Variants in MYO18A observed in about 807,000 individuals in gnomAD.
The protein encoded by MYO18A is myosin XVIIIA.
A neutral mutation model predicts 235.8 loss-of-function variants in MYO18A; 78 were observed. The ratio of observed to expected loss-of-function variants is 0.33; its 90% CI spans 0.28 to 0.40. The LOEUF (loss-of-function observed/expected upper bound fraction) is 0.40. Ranked by LOEUF, MYO18A falls within the 10% of genes least tolerant of loss-of-function variation. The probability of loss-of-function intolerance (pLI) is 1.00; values close to 1 mark genes in which losing one functional copy is unlikely to be tolerated. For missense variants in MYO18A, 2,215 were observed against 2,699.3 expected, an observed-to-expected ratio of 0.82 and a Z score of 3.98; for synonymous variants, 977 against 1,077.8, an observed-to-expected ratio of 0.91 and a Z score of 1.83.
At chr17:29,154,123 C>T (rs551231220) in intron 2 of MYO18A, among the ~76,000 whole-genome samples, 2,986 of 108,278 alleles carry the variant, frequency 0.028, 95 homozygotes, top group African/African-American at 0.087. Context: ...TGTGTGTGTG[C>T]GCGCGCGTGC....
At chr17:29,143,153 C>T (rs2067777167) in intron 2 of MYO18A, among the ~76,000 whole-genome samples, 3 of 152,150 alleles carry the variant, frequency 2.0e-5, no homozygotes. Flanking sequence ...AATAATAGCA[C>T]CTACCACATG....
chr17:29,124,796 T>G, intron 2 of MYO18A: 1 of 947,764 alleles, frequency 1.1e-6, no homozygotes, highest in African/African-American at 1.7e-5. Flanking sequence ...CGGCACTCTC[T>G]AGTTGTCCAA....
rs753322490 is a variant in MYO18A, at chr17:29,121,802, A to G, written c.1194+49T>C. 4.9e-5 allele frequency: 79 copies of G among 1,611,156 alleles called. 2 individuals carry two copies. In the Middle Eastern group the frequency reaches 6.6e-4, roughly 13 times the overall value. ...GCCAGAGGATGGGCCTGCCCTGCCC[A>G]GTGCACTCCTGAGCCTCCTCCCCCA... On this transcript the variant is annotated intron_variant, in intron 4 of 41. Transcript: ENST00000527372. This position sits in a 1 kb window ranked among gnomAD's most constrained non-coding sequence, Gnocchi z 4.2.
intron 2 of MYO18A, among the ~76,000 whole-genome samples, chr17:29,130,996 G>A (rs558462859): frequency 1.7e-4 from 26 of 152,154 alleles, no homozygotes; most frequent in Admixed American, 3.9e-4. Flanking sequence ...GCTCTCATTC[G>A]ACGCTCCCTG....
At chr17:29,135,005 C>G (rs914702972) in intron 2 of MYO18A, among the ~76,000 whole-genome samples, 1 of 152,116 alleles carries the variant, frequency 6.6e-6, no homozygotes, top group Non-Finnish European at 1.5e-5. Flanking sequence ...AGAGCTGGGC[C>G]GCTTGAAAAA....
chr17:29,152,349 C>T (rs566521821), intron 2 of MYO18A, among the ~76,000 whole-genome samples: 1 of 152,308 alleles, frequency 6.6e-6, no homozygotes, highest in South Asian at 2.1e-4. Context: ...GGTAGAAAGA[C>T]ACCTGGTACT....
chr17:29,161,804 C>T (rs946926326), intron 2 of MYO18A, among the ~76,000 whole-genome samples: 2 of 152,328 alleles, frequency 1.3e-5, no homozygotes, highest in South Asian at 2.1e-4. Flanking sequence ...CTTTCCCATC[C>T]GGACTTATGG....
chr17:29,086,340 A>C, intron 39 of MYO18A, 98 bp downstream of exon 39: 1 of 1,370,436 alleles, frequency 7.3e-7, no homozygotes, highest in Admixed American at 2.1e-5. Flanking sequence ...GCTCATGGGG[A>C]GGCAGAGGTT....
intron 2 of MYO18A, among the ~76,000 whole-genome samples, chr17:29,146,969 G>C (rs569731076): frequency 6.6e-5 from 10 of 152,334 alleles, no homozygotes; most frequent in African/African-American, 2.4e-4. Context: ...GCCATGGCCA[G>C]GCACATGCTA....
intron 13 of MYO18A, 41 bp from the exon 14 acceptor site, chr17:29,115,140 C>T (rs1330354211): frequency 6.4e-7 from 1 of 1,571,178 alleles, no homozygotes; most frequent in African/African-American, 1.4e-5. Context: ...GCTGGTTGGC[C>T]CCGGGCACCA....
chr17:29,148,735 G>A (rs1325415634), intron 2 of MYO18A, among the ~76,000 whole-genome samples: 2 of 152,144 alleles, frequency 1.3e-5, no homozygotes, highest in Non-Finnish European at 2.9e-5. Context: ...ATTCTGAAGG[G>A]TTATAGGGCA....
At chr17:29,116,488 A>C in intron 10 of MYO18A, 33 bp from the exon 11 acceptor site, 1 of 1,613,898 alleles carries the variant, frequency 6.2e-7, no homozygotes, top group Admixed American at 1.7e-5. Flanking sequence ...GCAGCATGCA[A>C]AGAAAAACAG....
chr17:29,120,558 G>T lies in MYO18A; in HGVS notation c.1728+58C>A. 1 of 1,568,228 alleles carries T rather than the reference G, an allele frequency of 6.4e-7. No homozygotes were observed. The highest frequency in any genetic ancestry group is 8.7e-7 in the Non-Finnish European group (1 of 1,155,858). On this transcript the variant is annotated intron_variant, in intron 7 of 41. Transcript: ENST00000527372. This position sits in a 1 kb window ranked among gnomAD's most constrained non-coding sequence, Gnocchi z 4.2. ...GGCATGGGAGAGAGCCTGATGTCTA[G>T]GTCATGAAATCATGTGGCCTGTGTC...
intron 20 of MYO18A, among the ~76,000 whole-genome samples, chr17:29,105,260 C>T (rs1389738654): frequency 6.6e-6 from 1 of 150,434 alleles, no homozygotes; most frequent in Non-Finnish European, 1.5e-5. Context: ...AGTGCCAGGG[C>T]ATCAGGGAGA....
At position 29,120,894 on chromosome 17, in the gene MYO18A, A is replaced by T. The variant is rs770492522; in HGVS notation, c.1585+104T>A. 13 of 1,555,766 alleles carry T rather than the reference A, an allele frequency of 8.4e-6. No individual in the cohort carries two copies. The highest frequency in any genetic ancestry group is 1.1e-5 in the Non-Finnish European group (13 of 1,143,794). On this transcript the variant is annotated intron_variant, in intron 6 of 41. Transcript: ENST00000527372. The surrounding 1 kb of genome is among the most constrained non-coding windows in gnomAD (Gnocchi z 4.2). ...CCGTGGACAGAGGGGTTTCGGGGGGATGGAAAGGCCAGGGAGAAAAAGAGC... is the reference window on the plus strand; with the variant it reads ...CCGTGGACAGAGGGGTTTCGGGGGGTTGGAAAGGCCAGGGAGAAAAAGAGC...
At chr17:29,099,467 A>G (rs1485103203) in intron 22 of MYO18A, among the ~76,000 whole-genome samples, 167 bp downstream of exon 22, 1 of 152,004 alleles carries the variant, frequency 6.6e-6, no homozygotes, top group African/African-American at 2.4e-5. Context: ...GTCGCTGGGC[A>G]CACCAGCACA....
At chr17:29,153,165 C>G (rs1460323271) in intron 2 of MYO18A, among the ~76,000 whole-genome samples, 1 of 152,138 alleles carries the variant, frequency 6.6e-6, no homozygotes, top group Non-Finnish European at 1.5e-5. Context: ...CTCTGACACC[C>G]AGGATGGACT....
In MYO18A at chr17:29,115,647, C is replaced by T; in HGVS notation, c.2227+17G>A. 1.3e-6 allele frequency: 2 copies of T among 1,577,348 alleles called. No individual in the cohort carries two copies. Among genetic ancestry groups the T allele is most frequent in the Non-Finnish European group, 1.7e-6 (2 of 1,161,344 alleles). The stretch of plus-strand genomic sequence containing the variant: ...AGGCCTCACACTCACAACTACCAGC[C>T]AAGGGACAAAGGGTACCTGTCCCAT... On this transcript the variant is annotated intron_variant, in intron 12 of 41. Coordinates refer to ENST00000527372, the MANE Select transcript of MYO18A (RefSeq NM_078471.4).
intron 2 of MYO18A, among the ~76,000 whole-genome samples, chr17:29,130,527 CAA>C (rs1555535520): frequency 6.8e-4 from 91 of 134,646 alleles, no homozygotes; most frequent in African/African-American, 1.2e-3. Context: ...CACACACACA[CAA>C]CCCTTTCAAA....
Sources: gnomAD v4.1 joint callset for allele counts (sites outside exome capture counted in the v4.1 genomes callset) on GRCh38, gnomAD v4.1.1 for gene constraint, Gnocchi (gnomAD v3.1) non-coding constraint, MANE v1.5 for transcripts, NCBI Gene and HGNC (gene_info 2026-07-23, HGNC 2026-07-21) for gene names.